The following NCOA1 variants were observed in gnomAD, a reference collection of about 807,000 sequenced individuals.
NCOA1 encodes Hin-2 protein.
NCOA1 carries 35 observed loss-of-function variants against 150.9 expected under a neutral mutation model. The observed-to-expected ratio is 0.23, with a 90% CI of 0.18 to 0.31. The LOEUF (loss-of-function observed/expected upper bound fraction) is 0.31. Among genes scored for constraint, NCOA1 ranks in the 10% least tolerant of loss-of-function variants. The pLI, the probability that NCOA1 is intolerant of heterozygous loss-of-function variation, is 1.00. For missense variants in NCOA1, 1,491 were observed against 1,749.3 expected (o/e 0.85, Z 2.63); for synonymous variants, 590 against 630.0 (o/e 0.94, Z 0.95).
At chr2:24,557,578 A>C (rs1296183629) in intron 1 of NCOA1, among the ~76,000 whole-genome samples, 1 of 143,184 alleles carries the variant, frequency 7.0e-6, no homozygotes, top group East Asian at 2.0e-4. Context: ...GTAGATCCAG[A>C]TTTTTACCTG....
intron 10 of NCOA1, among the ~76,000 whole-genome samples, chr2:24,695,994 A>C (rs1042910816): frequency 1.3e-5 from 2 of 152,202 alleles, no homozygotes. Context: ...TGCTATAACC[A>C]ACTTTTTATC....
At chr2:24,672,635 A>G (rs947563015) in intron 6 of NCOA1, among the ~76,000 whole-genome samples, 1 of 152,162 alleles carries the variant, frequency 6.6e-6, no homozygotes, top group African/African-American at 2.4e-5. Context: ...GGCCTCAAGC[A>G]GTCCTCCCAC....
chr2:24,692,394 TG>T (rs1375348304), intron 9 of NCOA1, among the ~76,000 whole-genome samples: 11 of 152,204 alleles, frequency 7.2e-5, no homozygotes, highest in Admixed American at 4.6e-4. Flanking sequence ...CATTTTTAGC[TG>T]TGTGATATTG....
Position 24,681,910 on chromosome 2 carries a change from T to A in NCOA1, c.355-1041T>A, listed in dbSNP as rs554825920. 6.6e-5 allele frequency among the ~76,000 whole-genome samples: 10 copies of A among 152,264 alleles called. No homozygotes were observed. In the South Asian group the frequency reaches 1.9e-3, roughly 28 times the overall value. ...TTTGTATTTTTAGTAGAGACGGGGT[T>A]TCACCATGTTGGCCAGGATGGTCTC... On this transcript the variant is annotated intron_variant, in intron 7 of 22. Coordinates refer to ENST00000348332, the MANE Select transcript of NCOA1 (RefSeq NM_003743.5).
chr2:24,745,052 T>C (rs1444530130), intron 19 of NCOA1, among the ~76,000 whole-genome samples: 1 of 152,126 alleles, frequency 6.6e-6, no homozygotes, highest in Non-Finnish European at 1.5e-5. Flanking sequence ...AATGGCAGAG[T>C]AAGTTTTCTG....
chr2:24,760,143 C>CTTT (rs1214234878), intron 21 of NCOA1, among the ~76,000 whole-genome samples: 1 of 125,926 alleles, frequency 7.9e-6, no homozygotes, highest in Non-Finnish European at 1.7e-5. Context: ...TTTTTTTTTT[C>CTTT]TTTTTTTTTT....
intron 1 of NCOA1, among the ~76,000 whole-genome samples, chr2:24,538,839 A>G (rs1431430387): frequency 6.6e-6 from 1 of 152,154 alleles, no homozygotes; most frequent in Non-Finnish European, 1.5e-5. Flanking sequence ...AGGAGATTAC[A>G]GTCTAGTAGG....
chr2:24,680,576 TG>T (rs556736071), intron 7 of NCOA1, among the ~76,000 whole-genome samples: 2 of 152,060 alleles, frequency 1.3e-5, no homozygotes, highest in Non-Finnish European at 2.9e-5. Flanking sequence ...CGTGAAGGGT[TG>T]GGGGGATTGG....
intron 18 of NCOA1, among the ~76,000 whole-genome samples, chr2:24,740,557 G>T (rs1161333115): frequency 1.3e-5 from 2 of 152,182 alleles, no homozygotes; most frequent in Non-Finnish European, 2.9e-5. Context: ...TTGGTCCATT[G>T]TGTGCAACTG....
chr2:24,612,037 G>C (rs1046308462), intron 3 of NCOA1, among the ~76,000 whole-genome samples: 7 of 152,130 alleles, frequency 4.6e-5, no homozygotes, highest in Admixed American at 4.6e-4. Context: ...TTGTGTTTTT[G>C]TGGTAGAAGG....
chr2:24,621,786 G>A lies in NCOA1; in HGVS notation c.-174-22180G>A, dbSNP rs561796071. 2.0e-5 allele frequency among the ~76,000 whole-genome samples: 3 copies of A among 152,198 alleles called. No individual in the cohort carries two copies. The South Asian group carries it at 6.2e-4, about 32-fold the overall frequency. ...TGCGCCACCACGCCCAGCCTTTCAGGCAGCTTTCTAAGCAGCGCTCATGAA... is the reference window on the plus strand; with the variant it reads ...TGCGCCACCACGCCCAGCCTTTCAGACAGCTTTCTAAGCAGCGCTCATGAA... On this transcript the variant is annotated intron_variant, in intron 3 of 22. Coordinates refer to ENST00000348332, the MANE Select transcript of NCOA1 (RefSeq NM_003743.5).
intron 1 of NCOA1, among the ~76,000 whole-genome samples, chr2:24,528,344 C>CT (rs375096042): frequency 0.53 from 67,018 of 125,804 alleles, 18,317 homozygotes; most frequent in Admixed American, 0.65. Context: ...CAATTTCATT[C>CT]TTTTTTTTTT....
rs1665411520 is a variant in NCOA1, at chr2:24,541,841, A to G, written c.-395-22454A>G. 2.0e-5 allele frequency among the ~76,000 whole-genome samples: 3 copies of G among 152,232 alleles called. No individual in the cohort carries two copies. In the South Asian group the frequency reaches 6.2e-4, roughly 31 times the overall value. The stretch of plus-strand genomic sequence containing the variant: ...GATATAATTTGAGTTTTCATAGCAG[A>G]TGGCTGCCTGTGAAATAGTTATGAC... On this transcript the variant is annotated intron_variant, in intron 1 of 22. Coordinates refer to ENST00000348332, the MANE Select transcript of NCOA1 (RefSeq NM_003743.5).
intron 19 of NCOA1, among the ~76,000 whole-genome samples, chr2:24,749,811 A>G (rs748380939): frequency 5.3e-5 from 8 of 152,256 alleles, no homozygotes; most frequent in Non-Finnish European, 1.0e-4. Flanking sequence ...GTAGGAAAAT[A>G]CTACCTGTAA....
At chr2:24,588,080 C>T (rs891781552) in intron 3 of NCOA1, among the ~76,000 whole-genome samples, 2 of 151,942 alleles carry the variant, frequency 1.3e-5, no homozygotes, top group African/African-American at 4.8e-5. Context: ...GTGGGCTTTC[C>T]CTCCCCTCCC....
chr2:24,597,785 T>C (rs1183644931), intron 3 of NCOA1, among the ~76,000 whole-genome samples: 1 of 152,224 alleles, frequency 6.6e-6, no homozygotes, highest in Non-Finnish European at 1.5e-5. Context: ...ATCTCTTTTT[T>C]TTTATTATTA....
intron 1 of NCOA1, among the ~76,000 whole-genome samples, chr2:24,505,176 AT>A (rs1334112785): frequency 4.0e-5 from 6 of 149,402 alleles, no homozygotes; most frequent in Admixed American, 1.3e-4. Flanking sequence ...GTATTCCAAT[AT>A]TTTTTTCTTT....
intron 1 of NCOA1, among the ~76,000 whole-genome samples, chr2:24,561,082 G>A (rs1230631081): frequency 6.6e-6 from 1 of 152,194 alleles, no homozygotes; most frequent in African/African-American, 2.4e-5. Flanking sequence ...GGATATCCAG[G>A]ACATACTGCT....
intron 17 of NCOA1, among the ~76,000 whole-genome samples, chr2:24,734,973 A>G (rs1370524024): frequency 6.6e-6 from 1 of 152,190 alleles, no homozygotes; most frequent in Non-Finnish European, 1.5e-5. Context: ...GACAATGGGG[A>G]AAGAATGGCG....
Sources: gnomAD v4.1 joint callset for allele counts (sites outside exome capture counted in the v4.1 genomes callset) on GRCh38, gnomAD v4.1.1 for gene constraint, MANE v1.5 for transcripts, NCBI Gene and HGNC (gene_info 2026-07-23, HGNC 2026-07-21) for gene names.